Variants in SORCS1 observed in about 807,000 individuals in gnomAD.
SORCS1 encodes the protein sortilin related VPS10 domain containing receptor 1, also known as VPS10 domain-containing receptor SorCS1.
In SORCS1, 60 loss-of-function variants were observed where a neutral mutation model predicts 146.1. That is an observed-to-expected ratio of 0.41 (90% CI 0.33 to 0.51). The LOEUF is 0.51. Ranked by LOEUF, SORCS1 falls within the 20% of genes least tolerant of loss-of-function variation. SORCS1 has a pLI of 0.21. For synonymous variants in SORCS1, 637 were observed against 584.0 expected, an observed-to-expected ratio of 1.09 and a Z score of -1.31; for missense variants, 1,352 against 1,487.6, an observed-to-expected ratio of 0.91 and a Z score of 1.50.
At chr10:106,630,287 C>A (rs925048982) in intron 18 of SORCS1, among the ~76,000 whole-genome samples, 1 of 152,188 alleles carries the variant, frequency 6.6e-6, no homozygotes. Flanking sequence ...TATGCTTTAG[C>A]ATTTCAAGCT....
chr10:106,647,760 T>G (rs2133731096), intron 18 of SORCS1, among the ~76,000 whole-genome samples: 1 of 152,336 alleles, frequency 6.6e-6, no homozygotes, highest in South Asian at 2.1e-4. Context: ...ACAATGTTGG[T>G]TTAGATAAAG....
At chr10:106,764,805 C>T (rs1176235311) in intron 4 of SORCS1, among the ~76,000 whole-genome samples, 30 of 151,868 alleles carry the variant, frequency 2.0e-4, no homozygotes, top group Admixed American at 1.6e-3. Context: ...GGGCGGATCA[C>T]GAGGTCAGGA....
intron 2 of SORCS1, among the ~76,000 whole-genome samples, chr10:106,844,174 T>A (rs957742304): frequency 1.3e-5 from 2 of 152,250 alleles, no homozygotes; most frequent in Non-Finnish European, 2.9e-5. Context: ...ATTGGCTTTT[T>A]ATATGCCATC....
chr10:107,003,302 A>C (rs1037053476), intron 1 of SORCS1, among the ~76,000 whole-genome samples: 1 of 152,152 alleles, frequency 6.6e-6, no homozygotes, highest in African/African-American at 2.4e-5. Context: ...TAGCAGCATA[A>C]GTAATATATT....
chr10:106,893,391 T>A (rs1414199579), intron 2 of SORCS1, among the ~76,000 whole-genome samples: 1 of 152,306 alleles, frequency 6.6e-6, no homozygotes, highest in African/African-American at 2.4e-5. Flanking sequence ...ACTATATTTA[T>A]TTTTTATTCT....
intron 1 of SORCS1, among the ~76,000 whole-genome samples, chr10:107,077,008 T>C (rs956814706): frequency 6.6e-5 from 10 of 152,176 alleles, no homozygotes; most frequent in Admixed American, 6.5e-4. Context: ...GAAAGCAGCT[T>C]GATTATTTGC....
At chr10:106,642,486 T>G (rs561878474) in intron 18 of SORCS1, among the ~76,000 whole-genome samples, 3 of 152,268 alleles carry the variant, frequency 2.0e-5, no homozygotes, top group African/African-American at 7.2e-5. Context: ...TCAGGCACTA[T>G]TTTCAAAGTA....
At chr10:107,116,842 TTAAC>T (rs1262586994) in intron 1 of SORCS1, among the ~76,000 whole-genome samples, 3 of 152,200 alleles carry the variant, frequency 2.0e-5, no homozygotes, top group Non-Finnish European at 4.4e-5. Flanking sequence ...TATTTGCCAA[TTAAC>T]TATTTAAAAT....
chr10:106,597,508 A>C, intron 23 of SORCS1, 58 bp from the exon 24 acceptor site: 3 of 1,292,186 alleles, frequency 2.3e-6, no homozygotes, highest in Non-Finnish European at 3.4e-6. Flanking sequence ...ATAAACCAAT[A>C]AGCTTAGAAA....
intron 1 of SORCS1, among the ~76,000 whole-genome samples, chr10:107,151,413 A>T (rs1968782076): frequency 6.6e-6 from 1 of 152,198 alleles, no homozygotes; most frequent in African/African-American, 2.4e-5. Flanking sequence ...GAAGAAAAAG[A>T]GGTTTAATTG....
intron 8 of SORCS1, among the ~76,000 whole-genome samples, 163 bp from the exon 9 acceptor site, chr10:106,699,556 A>C (rs1326054645): frequency 6.6e-6 from 1 of 152,260 alleles, no homozygotes; most frequent in African/African-American, 2.4e-5. Context: ...AGCATTAATC[A>C]TATATTTCCT....
intron 3 of SORCS1, among the ~76,000 whole-genome samples, chr10:106,826,816 G>A (rs1948327569): frequency 6.6e-6 from 1 of 152,132 alleles, no homozygotes; most frequent in African/African-American, 2.4e-5. Context: ...AAACAGCTCA[G>A]GACCACCTCT....
intron 24 of SORCS1, among the ~76,000 whole-genome samples, chr10:106,593,730 C>T (rs1845746708): frequency 6.6e-6 from 1 of 152,206 alleles, no homozygotes; most frequent in South Asian, 2.1e-4. Context: ...AGAATTTTCT[C>T]ACTCTCTCCA....
At chr10:106,896,394 A>G (rs1309503446) in intron 2 of SORCS1, among the ~76,000 whole-genome samples, 2 of 148,094 alleles carry the variant, frequency 1.4e-5, no homozygotes, top group Non-Finnish European at 3.0e-5. Context: ...GCGCCACTGC[A>G]CTCCAGCCTG....
At chr10:107,000,442 C>CAA (rs774072689) in intron 1 of SORCS1, among the ~76,000 whole-genome samples, 4,137 of 135,098 alleles carry the variant, frequency 0.031, 165 homozygotes, top group African/African-American at 0.098. Context: ...TACTAAAATA[C>CAA]AAAAAAAAAA....
At chr10:106,692,879 A>C (rs192214859) in intron 9 of SORCS1, among the ~76,000 whole-genome samples, 39 of 152,136 alleles carry the variant, frequency 2.6e-4, no homozygotes, top group East Asian at 1.5e-3. Flanking sequence ...AAGTATACTA[A>C]TATGTTATTT....
intron 24 of SORCS1, among the ~76,000 whole-genome samples, chr10:106,584,258 T>C (rs1367232455): frequency 6.6e-6 from 1 of 152,178 alleles, no homozygotes; most frequent in Admixed American, 6.5e-5. Context: ...CAATGGGCCT[T>C]CCCTCCATTT....
chr10:106,634,491 G>C (rs1161458196), intron 18 of SORCS1, among the ~76,000 whole-genome samples: 1 of 152,188 alleles, frequency 6.6e-6, no homozygotes, highest in African/African-American at 2.4e-5. Flanking sequence ...CAGCTAGTTA[G>C]ACACCTGCAA....
At chr10:106,711,923 G>A (rs930562311) in intron 6 of SORCS1, among the ~76,000 whole-genome samples, 3 of 152,090 alleles carry the variant, frequency 2.0e-5, no homozygotes, top group African/African-American at 7.2e-5. Flanking sequence ...GTAGCTTGGG[G>A]GTCATAGAAA....
Sources: allele counts gnomAD v4.1 joint callset (sites outside exome capture counted in the v4.1 genomes callset), GRCh38; gene constraint gnomAD v4.1.1; transcripts MANE v1.5; gene names NCBI Gene and HGNC (gene_info 2026-07-23, HGNC 2026-07-21).